Variants in KATNIP observed in about 807,000 individuals in gnomAD.
The protein encoded by KATNIP is katanin-interacting protein.
Under a neutral mutation model 174.0 loss-of-function variants are expected in KATNIP, and 126 were observed. The observed-to-expected ratio is 0.72, with a 90% CI of 0.63 to 0.84. The LOEUF (loss-of-function observed/expected upper bound fraction) is 0.84, where lower values mean the gene tolerates loss of function less well. Among genes scored for constraint, KATNIP ranks in the 40% least tolerant of loss-of-function variants. The pLI is 0.00. For missense variants in KATNIP, 1,958 were observed against 2,109.7 expected (o/e 0.93, Z 1.41); for synonymous variants, 810 against 835.7 (o/e 0.97, Z 0.53).
At chr16:27,639,061 C>T (rs968796796) in intron 5 of KATNIP, among the ~76,000 whole-genome samples, 12 of 152,150 alleles carry the variant, frequency 7.9e-5, no homozygotes, top group African/African-American at 2.4e-4. Flanking sequence ...TCTCTTCTTA[C>T]GGTCTCACCC....
chr16:27,637,561 G>C lies in KATNIP; in HGVS notation c.408+6399G>C, dbSNP rs2076673851. 6.6e-6 allele frequency among the ~76,000 whole-genome samples: 1 copy of C among 152,176 alleles called. No homozygotes were observed. The highest frequency in any genetic ancestry group is 2.4e-5 in the African/African-American group (1 of 41,450). On this transcript the variant is annotated intron_variant, in intron 5 of 27. Transcript: ENST00000261588. The surrounding 1 kb of genome is among the most constrained non-coding windows in gnomAD (Gnocchi z 4.7). ...CCCAAGGGGCCGCATCGCAGCCAGG[G>C]CCTGAGAGTTACCTGGAGCCAGCCC...
rs1408503666 is a variant in KATNIP at position 27,779,171 on chromosome 16, T to C, written c.*542T>C. 4 of 152,626 alleles carry C rather than the reference T, an allele frequency of 2.6e-5. No individual in the cohort carries two copies. Among genetic ancestry groups the C allele is most frequent in the South Asian group, 4.1e-4 (2 of 4,826 alleles). The allele number at this position is 152,626 out of a possible 1,614,324, so 9.5% of individuals were successfully genotyped here. A position where few individuals can be genotyped will look rare whatever the true frequency, so the allele number is the denominator to read the frequency against. ...GGGACTGGTGGAGCTGGCTGAGAGG[T>C]TGGGGTAGTTTCCTGGTTACAGGGG... On this transcript the variant is annotated 3_prime_UTR_variant, in exon 28 of 28. Coordinates refer to ENST00000261588, the MANE Select transcript of KATNIP (RefSeq NM_015202.5).
chr16:27,554,728 G>A (rs141265584), intron 1 of KATNIP, among the ~76,000 whole-genome samples: 8 of 150,700 alleles, frequency 5.3e-5, no homozygotes, highest in African/African-American at 1.7e-4. Context: ...TTACCCTAGG[G>A]TCATATTTGA....
At chr16:27,572,103 A>T (rs370491189) in intron 1 of KATNIP, among the ~76,000 whole-genome samples, 23 of 152,024 alleles carry the variant, frequency 1.5e-4, no homozygotes, top group African/African-American at 3.6e-4. Flanking sequence ...GTCCCCACAT[A>T]CATCTCCCCA....
At chr16:27,606,940 C>T (rs1009066102) in intron 2 of KATNIP, among the ~76,000 whole-genome samples, 1 of 152,126 alleles carries the variant, frequency 6.6e-6, no homozygotes, top group Non-Finnish European at 1.5e-5. Flanking sequence ...AAAATGACTC[C>T]TTCCTTTGTG....
chr16:27,550,247 C>T, intron 1 of KATNIP, 70 bp downstream of exon 1: 5 of 1,557,778 alleles, frequency 3.2e-6, no homozygotes, highest in Non-Finnish European at 4.4e-6. Context: ...GCGCTTTGGG[C>T]AGAATCCTAG....
intron 8 of KATNIP, among the ~76,000 whole-genome samples, chr16:27,695,075 T>C (rs1156711094): frequency 1.3e-5 from 2 of 152,228 alleles, no homozygotes; most frequent in Non-Finnish European, 2.9e-5. Context: ...AGCTGGACTG[T>C]TAGGAAGTCC....
intron 18 of KATNIP, among the ~76,000 whole-genome samples, chr16:27,757,303 G>A (rs1042049874): frequency 1.3e-5 from 2 of 152,188 alleles, no homozygotes; most frequent in African/African-American, 2.4e-5. Flanking sequence ...TGGGTAGGGC[G>A]GGAGGTGGGA....
intron 2 of KATNIP, among the ~76,000 whole-genome samples, chr16:27,598,022 G>A (rs1288562735): frequency 6.6e-6 from 1 of 152,150 alleles, no homozygotes; most frequent in Non-Finnish European, 1.5e-5. Flanking sequence ...GAGCTCGGAA[G>A]TTCAAGACCA....
At chr16:27,720,094 T>C (rs181459584) in intron 13 of KATNIP, among the ~76,000 whole-genome samples, 2 of 152,252 alleles carry the variant, frequency 1.3e-5, no homozygotes, top group East Asian at 3.9e-4. Context: ...TTACAGTCTC[T>C]TCTCTGTTTG....
At chr16:27,708,961 T>G (rs2079445313) in intron 13 of KATNIP, 41 bp downstream of exon 13, 1 of 1,475,748 alleles carries the variant, frequency 6.8e-7, no homozygotes, top group Non-Finnish European at 9.4e-7. Context: ...GGCTGTGTAT[T>G]CCCATGCATT....
Position 27,616,108 on chromosome 16 carries a change from G to A in KATNIP, c.64-2317G>A, listed in dbSNP as rs533926230. On this transcript the variant is annotated intron_variant, in intron 2 of 27. Coordinates refer to ENST00000261588, the MANE Select transcript of KATNIP (RefSeq NM_015202.5). ...GCAAATTGGCCAGGTGCGGTGGCTC[G>A]CACCTGTAGTACCAACACTTTGGGA... Among the ~76,000 whole-genome samples, 74 of 152,232 alleles carry A rather than the reference G, an allele frequency of 4.9e-4. 1 individual carries two copies. Among genetic ancestry groups the A allele is most frequent in the Admixed American group, 1.0e-3 (16 of 15,290 alleles).
At chr16:27,689,189 G>T (rs567628462) in intron 8 of KATNIP, among the ~76,000 whole-genome samples, 1 of 152,354 alleles carries the variant, frequency 6.6e-6, no homozygotes, top group South Asian at 2.1e-4. Context: ...GCCAAGGCAG[G>T]TGGATCACTT....
chr16:27,728,208 A>G (rs763303282), intron 14 of KATNIP, among the ~76,000 whole-genome samples: 7 of 152,232 alleles, frequency 4.6e-5, no homozygotes, highest in Non-Finnish European at 8.8e-5. Context: ...ACCCCATTGC[A>G]TGGGAAGCTT....
At chr16:27,713,841 T>C (rs1244918250) in intron 13 of KATNIP, among the ~76,000 whole-genome samples, 1 of 83,970 alleles carries the variant, frequency 1.2e-5, no homozygotes, top group African/African-American at 4.1e-5. Context: ...TATATATATA[T>C]ATATATATAT....
chr16:27,732,922 G>A (rs1050426707), intron 14 of KATNIP, among the ~76,000 whole-genome samples: 1 of 152,230 alleles, frequency 6.6e-6, no homozygotes, highest in Non-Finnish European at 1.5e-5. Context: ...AACTCCCAGA[G>A]TGTGGGATGC....
chr16:27,627,248 C>T (rs1596984402), intron 3 of KATNIP, among the ~76,000 whole-genome samples: 1 of 152,160 alleles, frequency 6.6e-6, no homozygotes, highest in Admixed American at 6.5e-5. Context: ...TTGCCTTGTA[C>T]GTAGTGCCAT....
intron 2 of KATNIP, 38 bp downstream of exon 2, chr16:27,573,994 T>A: frequency 1.3e-6 from 2 of 1,591,930 alleles, no homozygotes; most frequent in Non-Finnish European, 1.7e-6. Context: ...GGGAGGCAAC[T>A]CTATTTGAAA....
Position 27,773,185 on chromosome 16 carries a change from G to GA in KATNIP, c.4291dup (p.Ile1431AsnfsTer40). On this transcript the variant is annotated frameshift_variant, in exon 23 of 28. Transcript: ENST00000261588. LOFTEE classifies it high-confidence loss of function. ...CCTGGAGCTGTATGACGAGCGAGGA[G>GA]AAAAAATCCCCTTGTCGGAAAACAG... 4.3e-6 allele frequency: 7 copies of GA among 1,611,076 alleles called. No homozygotes were observed. The highest frequency in any genetic ancestry group is 5.9e-6 in the Non-Finnish European group (7 of 1,178,424).
Sources: allele counts gnomAD v4.1 joint callset (sites outside exome capture counted in the v4.1 genomes callset), GRCh38; gene constraint gnomAD v4.1.1; non-coding constraint Gnocchi (gnomAD v3.1); transcripts MANE v1.5; gene names NCBI Gene and HGNC (gene_info 2026-07-23, HGNC 2026-07-21).